MUSK: variants seen among roughly 807,000 people sequenced by gnomAD.
The protein encoded by MUSK is muscle associated receptor tyrosine kinase.
A neutral mutation model predicts 88.7 loss-of-function variants in MUSK; 55 were observed. The observed-to-expected ratio is 0.62, with a 90% CI of 0.50 to 0.78. The LOEUF (loss-of-function observed/expected upper bound fraction) is 0.78, where lower values mean the gene tolerates loss of function less well. Among genes scored for constraint, MUSK ranks in the 30% least tolerant of loss-of-function variants. MUSK has a pLI of 0.00. For missense variants in MUSK, 1,015 were observed against 1,074.3 expected, an observed-to-expected ratio of 0.94 and a Z score of 0.77; for synonymous variants, 387 against 391.9, an observed-to-expected ratio of 0.99 and a Z score of 0.15.
intron 5 of MUSK, among the ~76,000 whole-genome samples, chr9:110,726,814 C>A (rs2076890960): frequency 6.6e-6 from 1 of 151,920 alleles, no homozygotes; most frequent in South Asian, 2.1e-4. Flanking sequence ...TTCTGGGGCT[C>A]TAGAAAGATG....
At chr9:110,755,963 TAC>T (rs1231898153) in intron 7 of MUSK, among the ~76,000 whole-genome samples, 6 of 66,294 alleles carry the variant, frequency 9.1e-5, no homozygotes, top group African/African-American at 1.8e-4. Context: ...CATATATATA[TAC>T]ATATATATAT....
At chr9:110,702,620 G>A (rs1024810272) in intron 5 of MUSK, among the ~76,000 whole-genome samples, 1 of 152,134 alleles carries the variant, frequency 6.6e-6, no homozygotes, top group African/African-American at 2.4e-5. Context: ...CATACAAACT[G>A]GTTTCAGGCT....
At chr9:110,708,496 G>A (rs982928985) in intron 5 of MUSK, among the ~76,000 whole-genome samples, 15 of 152,226 alleles carry the variant, frequency 9.9e-5, no homozygotes, top group African/African-American at 3.6e-4. Flanking sequence ...TTGTGCATTT[G>A]AAAACCAAAC....
intron 5 of MUSK, among the ~76,000 whole-genome samples, chr9:110,733,005 G>A (rs549666052): frequency 7.2e-5 from 11 of 151,996 alleles, no homozygotes; most frequent in Admixed American, 2.0e-4. Flanking sequence ...ATTGTCCTGC[G>A]TATCTCCTTA....
At chr9:110,673,767 A>G (rs2075990524) in intron 1 of MUSK, among the ~76,000 whole-genome samples, 1 of 152,176 alleles carries the variant, frequency 6.6e-6, no homozygotes. Context: ...CTAGTGCATA[A>G]AGTTTCTCTC....
chr9:110,796,839 C>T (rs1588048868), intron 14 of MUSK, among the ~76,000 whole-genome samples: 1 of 3,790 alleles, frequency 2.6e-4, no homozygotes, highest in African/African-American at 1.2e-3. Context: ...AATTGGAAAC[C>T]ATCATTCTCA....
chr9:110,773,037 C>T (rs568431029), intron 9 of MUSK, among the ~76,000 whole-genome samples: 1 of 152,096 alleles, frequency 6.6e-6, no homozygotes, highest in East Asian at 1.9e-4. Flanking sequence ...TTTGCCCCAA[C>T]CTAACATAAG....
At chr9:110,709,599 G>C (rs1220169667) in intron 5 of MUSK, among the ~76,000 whole-genome samples, 1 of 152,162 alleles carries the variant, frequency 6.6e-6, no homozygotes, top group African/African-American at 2.4e-5. Flanking sequence ...ATCAATGTTA[G>C]TTCTAGGGCT....
At chr9:110,748,704 G>A (rs1016643813) in intron 7 of MUSK, among the ~76,000 whole-genome samples, 1 of 152,150 alleles carries the variant, frequency 6.6e-6, no homozygotes, top group Non-Finnish European at 1.5e-5. Flanking sequence ...CCCACAGCCT[G>A]CTGTTTCTTA....
chr9:110,776,067 A>ATT (rs11349092), intron 10 of MUSK, 104 bp downstream of exon 10: 824 of 1,089,558 alleles, frequency 7.6e-4, no homozygotes, highest in Middle Eastern at 1.8e-3. Context: ...GGCATTTCTA[A>ATT]TTTTTTTTTT....
At chr9:110,689,602 AT>A (rs1400720148) in intron 3 of MUSK, among the ~76,000 whole-genome samples, 1 of 104,496 alleles carries the variant, frequency 9.6e-6, no homozygotes, top group African/African-American at 4.1e-5. Context: ...TATATAACAT[AT>A]TATATATTTT....
chr9:110,782,980 T>G (rs1385639262), intron 11 of MUSK, among the ~76,000 whole-genome samples: 1 of 152,218 alleles, frequency 6.6e-6, no homozygotes, highest in East Asian at 1.9e-4. Flanking sequence ...CCATTGGTAC[T>G]CAGGGCATAA....
In MUSK at chr9:110,779,477, A is replaced by G. The variant is rs185223004; in HGVS notation, c.1384+2822A>G. On this transcript the variant is annotated intron_variant, in intron 11 of 14. Transcript: ENST00000374448. ...TGTAGTCTTCTCTTCTTCACATTAAATATCTCCAATTTTTAACTTTTTCTT... is the reference window on the plus strand; with the variant it reads ...TGTAGTCTTCTCTTCTTCACATTAAGTATCTCCAATTTTTAACTTTTTCTT... 2.2e-4 allele frequency among the ~76,000 whole-genome samples: 34 copies of G among 152,242 alleles called. 1 individual carries two copies. In the South Asian group the frequency reaches 3.5e-3, roughly 16 times the overall value.
chr9:110,725,286 G>A (rs1354376899), intron 5 of MUSK, among the ~76,000 whole-genome samples: 1 of 152,000 alleles, frequency 6.6e-6, no homozygotes, highest in Non-Finnish European at 1.5e-5. Flanking sequence ...AGGGATAAAA[G>A]ACTACATATT....
chr9:110,770,417 TTATA>T (rs2077554825), intron 9 of MUSK, among the ~76,000 whole-genome samples: 1 of 146,482 alleles, frequency 6.8e-6, no homozygotes. Context: ...AGTATATAAC[TTATA>T]TAATTGATAT....
At chr9:110,781,328 G>C (rs931781576) in intron 11 of MUSK, among the ~76,000 whole-genome samples, 2 of 152,126 alleles carry the variant, frequency 1.3e-5, no homozygotes, top group African/African-American at 2.4e-5. Flanking sequence ...CCAGGCTGGA[G>C]TGCAGTGGCA....
chr9:110,715,990 G>T (rs1217304845), intron 5 of MUSK, among the ~76,000 whole-genome samples: 2 of 149,388 alleles, frequency 1.3e-5, no homozygotes, highest in African/African-American at 5.1e-5. Flanking sequence ...GTGGGAGGAA[G>T]GAGAGCTTCA....
At chr9:110,681,981 C>G (rs2076141447) in intron 1 of MUSK, among the ~76,000 whole-genome samples, 1 of 152,052 alleles carries the variant, frequency 6.6e-6, no homozygotes, top group Non-Finnish European at 1.5e-5. Context: ...ATGTCTATAG[C>G]CTTTCCTCCT....
At chr9:110,770,195 A>G (rs906579441) in intron 9 of MUSK, among the ~76,000 whole-genome samples, 1 of 150,572 alleles carries the variant, frequency 6.6e-6, no homozygotes, top group Non-Finnish European at 1.5e-5. Context: ...TTAAAAAATT[A>G]TTGTTTACTC....
Sources: gnomAD v4.1 joint callset for allele counts (sites outside exome capture counted in the v4.1 genomes callset) on GRCh38, gnomAD v4.1.1 for gene constraint, MANE v1.5 for transcripts, NCBI Gene and HGNC (gene_info 2026-07-23, HGNC 2026-07-21) for gene names.